Variants in KCNQ5 observed in about 807,000 individuals in gnomAD.
KCNQ5 encodes the protein potassium voltage-gated channel subfamily Q member 5.
Under a neutral mutation model 98.2 loss-of-function variants are expected in KCNQ5, and 30 were observed. The observed-to-expected ratio is 0.31, with a 90% CI of 0.23 to 0.41. The LOEUF (loss-of-function observed/expected upper bound fraction) is 0.41, where lower values mean the gene tolerates loss of function less well. KCNQ5 is among the 10% of genes least tolerant of loss of function. KCNQ5 has a pLI of 1.00. For missense variants in KCNQ5, 835 were observed against 1,182.5 expected (o/e 0.71, Z 4.31); for synonymous variants, 458 against 449.4 (o/e 1.02, Z -0.24).
chr6:73,178,507 A>T (rs970874937), intron 11 of KCNQ5, among the ~76,000 whole-genome samples: 7 of 150,890 alleles, frequency 4.6e-5, no homozygotes, highest in Non-Finnish European at 1.0e-4. Flanking sequence ...CATTAGGAGA[A>T]CAAGTCTACT....
chr6:73,121,189 T>G (rs1775731840), intron 8 of KCNQ5, among the ~76,000 whole-genome samples: 1 of 152,202 alleles, frequency 6.6e-6, no homozygotes, highest in Non-Finnish European at 1.5e-5. Context: ...TTTCTTCACA[T>G]TTCATTGGCC....
intron 3 of KCNQ5, among the ~76,000 whole-genome samples, chr6:73,063,477 G>A (rs969039569): frequency 4.6e-5 from 7 of 151,910 alleles, no homozygotes; most frequent in East Asian, 3.9e-4. Context: ...ACTTTGCAGC[G>A]TTCATAAACA....
chr6:73,095,855 AG>A (rs1303655269), intron 5 of KCNQ5, among the ~76,000 whole-genome samples: 1 of 152,182 alleles, frequency 6.6e-6, no homozygotes, highest in Non-Finnish European at 1.5e-5. Context: ...TGCTTCCTGC[AG>A]GGGGTCTGTG....
At chr6:72,701,541 T>C (rs749066363) in intron 1 of KCNQ5, among the ~76,000 whole-genome samples, 20 of 152,234 alleles carry the variant, frequency 1.3e-4, no homozygotes, top group South Asian at 4.1e-4. Context: ...AGAAAAGAAA[T>C]AGAGACTTGT....
chr6:72,881,083 A>T (rs1581949413), intron 1 of KCNQ5, among the ~76,000 whole-genome samples: 1 of 152,254 alleles, frequency 6.6e-6, no homozygotes, highest in African/African-American at 2.4e-5. Context: ...TTGTCACTAC[A>T]TTACAGAAAC....
chr6:72,827,645 G>A (rs1335002053), intron 1 of KCNQ5, among the ~76,000 whole-genome samples: 1 of 152,012 alleles, frequency 6.6e-6, no homozygotes, highest in Non-Finnish European at 1.5e-5. Flanking sequence ...TATTGAATGA[G>A]TAGCTTACAA....
intron 1 of KCNQ5, among the ~76,000 whole-genome samples, chr6:72,725,227 A>G (rs1192441039): frequency 6.6e-6 from 1 of 152,168 alleles, no homozygotes; most frequent in African/African-American, 2.4e-5. Context: ...ACAAAATTAC[A>G]TTGGGTTATA....
intron 1 of KCNQ5, among the ~76,000 whole-genome samples, chr6:72,883,340 G>A (rs1331622424): frequency 6.6e-6 from 1 of 151,748 alleles, no homozygotes; most frequent in Non-Finnish European, 1.5e-5. Context: ...TGTTTTCTGG[G>A]TGTGCTGTCT....
At chr6:72,836,301 G>A (rs1255829250) in intron 1 of KCNQ5, among the ~76,000 whole-genome samples, 1 of 152,154 alleles carries the variant, frequency 6.6e-6, no homozygotes, top group Non-Finnish European at 1.5e-5. Flanking sequence ...TTAGATGGCA[G>A]ATAGAAAAGT....
At chr6:72,751,228 G>A (rs1771666270) in intron 1 of KCNQ5, among the ~76,000 whole-genome samples, 1 of 151,874 alleles carries the variant, frequency 6.6e-6, no homozygotes, top group Admixed American at 6.6e-5. Flanking sequence ...TTCAGGAAAA[G>A]GGTACAGTGT....
At chr6:73,046,198 C>T (rs1388516022) in intron 3 of KCNQ5, among the ~76,000 whole-genome samples, 1 of 152,176 alleles carries the variant, frequency 6.6e-6, no homozygotes, top group African/African-American at 2.4e-5. Context: ...TTCTGTTTCT[C>T]TGTCTTCTCT....
intron 3 of KCNQ5, among the ~76,000 whole-genome samples, chr6:73,069,379 T>C (rs1773207592): frequency 6.6e-6 from 1 of 152,212 alleles, no homozygotes; most frequent in South Asian, 2.1e-4. Flanking sequence ...GATTAAACTA[T>C]ATTGTTTTTA....
At chr6:73,115,514 AG>A (rs1775453631) in intron 7 of KCNQ5, among the ~76,000 whole-genome samples, 1 of 152,218 alleles carries the variant, frequency 6.6e-6, no homozygotes, top group East Asian at 1.9e-4. Context: ...ACTTACCAAA[AG>A]GGGATCCTAA....
chr6:72,775,701 G>A (rs902457300), intron 1 of KCNQ5, among the ~76,000 whole-genome samples: 12 of 152,118 alleles, frequency 7.9e-5, no homozygotes, highest in African/African-American at 2.9e-4. Flanking sequence ...GATGAGAATG[G>A]CACTTTACAT....
chr6:72,680,698 T>C (rs867409873), intron 1 of KCNQ5, among the ~76,000 whole-genome samples: 2 of 152,226 alleles, frequency 1.3e-5, no homozygotes, highest in African/African-American at 4.8e-5. Flanking sequence ...CATTTGCTAG[T>C]GTAAATTCAT....
At chr6:72,922,031 A>G (rs1195775062) in intron 1 of KCNQ5, among the ~76,000 whole-genome samples, 1 of 152,204 alleles carries the variant, frequency 6.6e-6, no homozygotes, top group African/African-American at 2.4e-5. Flanking sequence ...AAATCCATTT[A>G]CTTACAGCTT....
intron 2 of KCNQ5, among the ~76,000 whole-genome samples, chr6:73,017,590 G>A (rs1046802904): frequency 5.3e-5 from 8 of 152,172 alleles, no homozygotes; most frequent in African/African-American, 1.7e-4. Context: ...TTTCCAAGCT[G>A]TAAATGGCAG....
Position 73,008,902 on chromosome 6 carries a change from A to G in KCNQ5, c.489+4904A>G, listed in dbSNP as rs1769935664. Among the ~76,000 whole-genome samples the G allele has an allele frequency of 2.6e-5, 4 of 152,354 alleles. No homozygotes were observed. In the South Asian group the frequency reaches 8.3e-4, roughly 32 times the overall value. Reference sequence around the variant, plus strand: ...CCACACAAAGATGGATACCACACAAAGTATTTTTTCCAACCACAATGGGAT... The same window carrying G: ...CCACACAAAGATGGATACCACACAAGGTATTTTTTCCAACCACAATGGGAT... On this transcript the variant is annotated intron_variant, in intron 2 of 13. Coordinates refer to ENST00000370398, the MANE Select transcript of KCNQ5 (RefSeq NM_019842.4).
chr6:73,146,291 T>C (rs368935842), intron 10 of KCNQ5, among the ~76,000 whole-genome samples: 6 of 152,166 alleles, frequency 3.9e-5, no homozygotes, highest in African/African-American at 1.4e-4. Flanking sequence ...TTCAGAATGT[T>C]TCTCCCTAAG....
Sources: allele counts gnomAD v4.1 joint callset (sites outside exome capture counted in the v4.1 genomes callset), GRCh38; gene constraint gnomAD v4.1.1; transcripts MANE v1.5; gene names NCBI Gene and HGNC (gene_info 2026-07-23, HGNC 2026-07-21).